GPC2: variants seen among roughly 807,000 people sequenced by gnomAD.
GPC2 encodes the protein glypican-2.
Under a neutral mutation model 57.3 loss-of-function variants are expected in GPC2, and 42 were observed. The observed-to-expected ratio is 0.73, with a 90% confidence interval of 0.57 to 0.95. The LOEUF (loss-of-function observed/expected upper bound fraction) is 0.95, where lower values mean the gene tolerates loss of function less well. GPC2 is among the 40% of genes least tolerant of loss of function. GPC2 has a pLI of 0.00. For synonymous variants in GPC2, 364 were observed against 343.4 expected (o/e 1.06, Z -0.66); for missense variants, 745 against 793.6 (o/e 0.94, Z 0.74).
Position 100,171,918 on chromosome 7 carries a change from TG to T in GPC2, c.1030del (p.Gln344ArgfsTer30). ...NSAKVSAQVF[Q>X]ECGPPDPVPA... Reference sequence around the variant, plus strand: ...CACCGGGTCGGGGGGGCCGCACTCCTGAAACACCTGCGGCACCGGGAAGAGA... The same window carrying T: ...CACCGGGTCGGGGGGGCCGCACTCCTAAACACCTGCGGCACCGGGAAGAGA... On this transcript the variant is annotated frameshift_variant, in exon 7 of 10. Transcript: ENST00000292377. LOFTEE classifies it high-confidence loss of function. The surrounding 1 kb of genome is among the most constrained non-coding windows in gnomAD (Gnocchi z 4.8). 6.7e-7 allele frequency: 1 copy of T among 1,501,390 alleles called. No individual in the cohort carries two copies. The highest frequency in any genetic ancestry group is 2.2e-5 in the Admixed American group (1 of 45,236). The allele number at this position is 1,501,390 out of a possible 1,614,324, so 93.0% of individuals were successfully genotyped here. A position where few individuals can be genotyped will look rare whatever the true frequency, so the allele number is the denominator to read the frequency against.
intron 5 of GPC2, among the ~76,000 whole-genome samples, chr7:100,173,182 GT>G (rs1799212995): frequency 6.6e-6 from 1 of 152,080 alleles, no homozygotes; most frequent in South Asian, 2.1e-4. Flanking sequence ...GGCCAAGCTG[GT>G]CTTGAACTCC....
intron 3 of GPC2, 61 bp downstream of exon 3, chr7:100,175,511 T>C: frequency 1.5e-6 from 2 of 1,359,102 alleles, no homozygotes; most frequent in Non-Finnish European, 2.0e-6. Flanking sequence ...AGGTGAGTGG[T>C]GCACAGTTCA....
chr7:100,174,091 A>AC, intron 4 of GPC2, 94 bp from the exon 5 acceptor site: 1 of 1,182,512 alleles, frequency 8.5e-7, no homozygotes, highest in East Asian at 2.7e-5. Context: ...CACATACCCC[A>AC]CCCTACACCT....
chr7:100,176,986 G>GC, intron 1 of GPC2, 48 bp downstream of exon 1: 1 of 673,428 alleles, frequency 1.5e-6, no homozygotes, highest in Non-Finnish European at 2.3e-6. Flanking sequence ...AGGAGGCCCC[G>GC]CCCCCGCCCC....
chr7:100,173,834 C>T lies in GPC2; in HGVS notation c.892+1G>A. The T allele has an allele frequency of 3.2e-6, 5 of 1,557,946 alleles. No individual in the cohort carries two copies. Among genetic ancestry groups the T allele is most frequent in the Non-Finnish European group, 4.3e-6 (5 of 1,152,450 alleles). On this transcript the variant is annotated splice_donor_variant, in intron 5 of 9. Coordinates refer to ENST00000292377, the MANE Select transcript of GPC2 (RefSeq NM_152742.3). LOFTEE classifies it high-confidence loss of function. ...CTCCAGGCTTTCTTGAATCCCCTCACCCAGATAGTTGCCCCAGTCAGGCTC... is the reference window on the plus strand; with the variant it reads ...CTCCAGGCTTTCTTGAATCCCCTCATCCAGATAGTTGCCCCAGTCAGGCTC...
chr7:100,172,927 G>A (rs1210057286), intron 5 of GPC2, among the ~76,000 whole-genome samples: 2 of 150,556 alleles, frequency 1.3e-5, no homozygotes, highest in Non-Finnish European at 3.0e-5. Context: ...AGGCTGGAGT[G>A]CAATGGCATG....
chr7:100,171,594 C>A lies in GPC2; in HGVS notation c.1255G>T (p.Ala419Ser). The A allele has an allele frequency of 2.6e-6, 4 of 1,520,578 alleles. No individual in the cohort carries two copies. Among genetic ancestry groups the A allele is most frequent in the East Asian group, 2.7e-5 (1 of 36,984 alleles). 94.2% of individuals were successfully genotyped at this position (1,520,578 alleles called of 1,614,324 possible). Residue 419 changes from alanine to serine, a missense_variant, in exon 8 of 10, where the codon GCA becomes TCA. Coordinates refer to ENST00000292377, the MANE Select transcript of GPC2 (RefSeq NM_152742.3). The surrounding 1 kb of genome is among the most constrained non-coding windows in gnomAD (Gnocchi z 4.8). The stretch of plus-strand genomic sequence containing the variant: ...GCCGCCTCCAGCGAGGCGTCCGCTG[C>A]CATGCGAGAGTCTCCGCACACCGTC... Reference protein sequence around the residue: ...SLTVCGDSRMAADASLEAAPC... With the variant: ...SLTVCGDSRMSADASLEAAPC...
At chr7:100,174,318 C>T (rs1799233309) in intron 4 of GPC2, 1 of 519,752 alleles carries the variant, frequency 1.9e-6, no homozygotes, top group Admixed American at 3.4e-5. Context: ...AGAGGATGGG[C>T]AGTGAGAGAG....
intron 5 of GPC2, 153 bp downstream of exon 5, chr7:100,173,668 TTCTTTCTCTCTCTC>T (rs753355722): frequency 1.0e-4 from 46 of 440,402 alleles, no homozygotes; most frequent in East Asian, 3.4e-4. Flanking sequence ...CTCTCTCTCT[TTCTTTCTCTCTCTC>T]TCTTTCTTTC....
At position 100,175,663 on chromosome 7, in the gene GPC2, G is replaced by C; in HGVS notation, c.557C>G (p.Pro186Arg). The C allele has an allele frequency of 1.2e-6, 2 of 1,614,052 alleles. No individual in the cohort carries two copies. Among genetic ancestry groups the C allele is most frequent in the Non-Finnish European group, 1.7e-6 (2 of 1,179,940 alleles). The change falls in exon 3 of 10, where the codon CCT becomes CGT. Residue 186 changes from proline to arginine, a missense_variant. By Grantham distance (103) the Pro-to-Arg change is moderately radical. Around this residue, in one of 2 missense-constraint regions of GPC2, gnomAD observed 607 missense variants for 603.9 expected, o/e 1.01. Coordinates refer to ENST00000292377, the MANE Select transcript of GPC2 (RefSeq NM_152742.3). ...GCGTGAGAGGCAGAGCAGGTAGTCA[G>C]GGGGGAAGCTGTACTGTGGGTGCAG... ...PLLHPQYSFP[P>R]DYLLCLSRLA... is the part of the protein sequence containing the mutation.
intron 2 of GPC2, 129 bp downstream of exon 2, chr7:100,176,078 G>A (rs1046097330): frequency 3.3e-6 from 3 of 914,988 alleles, no homozygotes; most frequent in Middle Eastern, 3.5e-4. Context: ...GACAGAGTCT[G>A]GGGGGTGGGC....
chr7:100,172,102 C>T lies in GPC2; in HGVS notation c.1008G>A (p.Ala336=). 1 of 1,614,008 alleles carries T rather than the reference C, an allele frequency of 6.2e-7. No homozygotes were observed. Among genetic ancestry groups the T allele is most frequent in the Admixed American group, 1.7e-5 (1 of 60,002 alleles). ...TCCCCTGTACCTGGGCGGACACCTTCGCACTGTTTTCCTGCAGGTACATCA... is the reference window on the plus strand; with the variant it reads ...TCCCCTGTACCTGGGCGGACACCTTTGCACTGTTTTCCTGCAGGTACATCA... ...EGLMYLQENS[A]KVSAQVFQEC... Residue 336 remains alanine (A), a synonymous_variant, in exon 6 of 10, where the codon GCG becomes GCA. Coordinates refer to ENST00000292377, the MANE Select transcript of GPC2 (RefSeq NM_152742.3).
Position 100,171,475 on chromosome 7 carries a change from G to A in GPC2, c.1311-39C>T, listed in dbSNP as rs975292631. ...AGCCCCGAAGCGCCAGCTAGCGCGC[G>A]CGGCCCCGCCCCTCCCGGCCGCGGT... is the stretch of plus-strand genomic sequence containing the variant. On this transcript the variant is annotated intron_variant, in intron 8 of 9. Coordinates refer to ENST00000292377, the MANE Select transcript of GPC2 (RefSeq NM_152742.3). This position sits in a 1 kb window ranked among gnomAD's most constrained non-coding sequence, Gnocchi z 4.8. 3.7e-6 allele frequency: 5 copies of A among 1,352,892 alleles called. No individual in the cohort carries two copies. In the African/African-American group the frequency reaches 4.6e-5, roughly 12 times the overall value. The allele number at this position is 1,352,892 out of a possible 1,614,324, so 83.8% of individuals were successfully genotyped here.
At position 100,173,963 on chromosome 7, in the gene GPC2, A is replaced by G; in HGVS notation, c.764T>C (p.Met255Thr). The G allele has an allele frequency of 6.3e-7, 1 of 1,597,206 alleles. No homozygotes were observed. ...GCACAGGGGACAGCCGATGAGACGCATCAGAGCCTGGCTGCAGCCTTCAGA... is the reference window on the plus strand; with the variant it reads ...GCACAGGGGACAGCCGATGAGACGCGTCAGAGCCTGGCTGCAGCCTTCAGA... ...PVSEGCSQAL[M>T]RLIGCPLCRG... is the part of the protein sequence containing the mutation. The change falls in exon 5 of 10, where the codon ATG (methionine) becomes ACG (threonine). Residue 255 changes from methionine (M) to threonine (T), a missense_variant. This residue lies in a region of GPC2 where 607 missense variants were observed against 603.9 expected (regional missense o/e 1.01). Transcript: ENST00000292377.
intron 4 of GPC2, 43 bp from the exon 5 acceptor site, chr7:100,174,040 G>T: frequency 6.8e-7 from 1 of 1,463,204 alleles, no homozygotes. Flanking sequence ...AAACGCTGTG[G>T]CTGCTCTCAG....
At chr7:100,175,513 C>T in intron 3 of GPC2, 59 bp downstream of exon 3, 1 of 1,382,714 alleles carries the variant, frequency 7.2e-7, no homozygotes, top group South Asian at 1.3e-5. Flanking sequence ...GTGAGTGGTG[C>T]ACAGTTCAGG....
intron 2 of GPC2, 54 bp from the exon 3 acceptor site, chr7:100,175,948 G>T: frequency 6.8e-7 from 1 of 1,467,598 alleles, no homozygotes; most frequent in Non-Finnish European, 9.5e-7. Context: ...AGAATGGGGA[G>T]AAAAGTGAAC....
At chr7:100,172,245 A>G in intron 5 of GPC2, 28 bp from the exon 6 acceptor site, 1 of 1,611,812 alleles carries the variant, frequency 6.2e-7, no homozygotes, top group South Asian at 1.1e-5. Context: ...AAGAGAAAGG[A>G]TGGGATGAGT....
intron 9 of GPC2, 131 bp from the exon 10 acceptor site, chr7:100,170,614 G>C: frequency 1.2e-6 from 1 of 836,146 alleles, no homozygotes; most frequent in Non-Finnish European, 1.7e-6. Flanking sequence ...GCCGGGTTGG[G>C]GAAGGGAGAA....
Sources: gnomAD v4.1 joint callset for allele counts (sites outside exome capture counted in the v4.1 genomes callset) on GRCh38, gnomAD v4.1.1 for gene constraint, gnomAD v4.1.1 regional missense constraint, Gnocchi (gnomAD v3.1) non-coding constraint, MANE v1.5 for transcripts, NCBI Gene and HGNC (gene_info 2026-07-23, HGNC 2026-07-21) for gene names.